The following PRH1 variants were observed in gnomAD, a reference collection of about 807,000 sequenced individuals.
PRH1 encodes the protein proline rich protein HaeIII subfamily 1, also known as salivary acidic proline-rich phosphoprotein 1/2.
Under a neutral mutation model 7.9 loss-of-function variants are expected in PRH1, and 7 were observed. The ratio of observed to expected loss-of-function variants is 0.89; its 90% confidence interval spans 0.50 to 1.67. The LOEUF (loss-of-function observed/expected upper bound fraction) is 1.67, where lower values mean the gene tolerates loss of function less well. PRH1 is among the 40% of genes most tolerant of loss of function. The probability of loss-of-function intolerance (pLI) is 0.00; values close to 1 mark genes in which losing one functional copy is unlikely to be tolerated. For synonymous variants in PRH1, 45 were observed against 80.8 expected, an observed-to-expected ratio of 0.56 and a Z score of 2.38; for missense variants, 109 against 223.6, an observed-to-expected ratio of 0.49 and a Z score of 3.27.
chr12:10,891,611 C>T (rs934019001), intron 2 of PRH1: 1 of 152,088 alleles, frequency 6.6e-6, no homozygotes, highest in Non-Finnish European at 1.5e-5. Context: ...GTGTTCCATC[C>T]TCGTTGCCAA....
At chr12:11,065,051 C>G in intron 1 of PRH1, among the ~76,000 whole-genome samples, 1 of 151,874 alleles carries the variant, frequency 6.6e-6, no homozygotes, top group East Asian at 1.9e-4. Context: ...TAGAATAATA[C>G]TGATAATAAT....
rs369059664 is a variant in PRH1, at chr12:10,884,143, A to G, written c.64+11T>C. ...ATCAGAGTCACAATATCTTCCCCCA[A>G]TTCATCTTACCTTCATTTAAATCCT... On this transcript the variant is annotated intron_variant, in intron 1 of 3. Coordinates refer to ENST00000543626, the MANE Select transcript of PRH1 (RefSeq NM_001393989.1). The G allele has an allele frequency of 8.7e-6, 14 of 1,614,040 alleles. No homozygotes were observed. The East Asian group carries it at 2.5e-4, about 28-fold the overall frequency.
chr12:10,929,205 T>C, intron 2 of PRH1: 1 of 1,609,078 alleles, frequency 6.2e-7, no homozygotes, highest in South Asian at 1.1e-5. Flanking sequence ...GTCCTGCTTG[T>C]CTTTATAAAG....
chr12:10,934,714 C>T (rs1238624123), intron 2 of PRH1, among the ~76,000 whole-genome samples: 4 of 151,948 alleles, frequency 2.6e-5, no homozygotes, highest in African/African-American at 7.3e-5. Flanking sequence ...GATTATTTTG[C>T]CCCAGACAGC....
chr12:11,101,731 T>A (rs1333819626), intron 1 of PRH1, among the ~76,000 whole-genome samples: 1 of 152,144 alleles, frequency 6.6e-6, no homozygotes, highest in African/African-American at 2.4e-5. Flanking sequence ...AATTATAAGG[T>A]TAAAATTGAT....
intron 2 of PRH1, among the ~76,000 whole-genome samples, chr12:10,904,507 C>T (rs1412786928): frequency 6.6e-6 from 1 of 152,102 alleles, no homozygotes; most frequent in Non-Finnish European, 1.5e-5. Context: ...CTTTACCTTT[C>T]ACCATATACA....
intron 2 of PRH1, among the ~76,000 whole-genome samples, chr12:10,917,773 A>G (rs1179398908): frequency 6.6e-6 from 1 of 152,220 alleles, no homozygotes; most frequent in East Asian, 1.9e-4. Context: ...CAAAACCAGC[A>G]GTACTGAGTC....
At chr12:10,891,545 A>G (rs1424326634) in intron 2 of PRH1, 2 of 152,228 alleles carry the variant, frequency 1.3e-5, no homozygotes, top group Non-Finnish European at 2.9e-5. Flanking sequence ...AGCAAATCCT[A>G]TTAATCAGCT....
chr12:10,991,775 A>C (rs1939948927), intron 1 of PRH1, among the ~76,000 whole-genome samples: 1 of 152,184 alleles, frequency 6.6e-6, no homozygotes, highest in South Asian at 2.1e-4. Context: ...AAGAACTAGC[A>C]AAGGAGACTA....
At chr12:11,050,122 C>T (rs1943085057), upstream of PRH1, among the ~76,000 whole-genome samples, 1 of 151,940 alleles carries the variant, frequency 6.6e-6, no homozygotes, top group Non-Finnish European at 1.5e-5. Context: ...CCTGTGGCGC[C>T]AGAGGAATTA....
At chr12:11,138,869 T>A (rs1259499995) in intron 1 of PRH1, among the ~76,000 whole-genome samples, 1 of 152,044 alleles carries the variant, frequency 6.6e-6, no homozygotes, top group Non-Finnish European at 1.5e-5. Context: ...CAAAATCCCA[T>A]CTCTACCAAA....
intron 1 of PRH1, among the ~76,000 whole-genome samples, chr12:11,081,547 A>G (rs190975621): frequency 8.6e-6 from 1 of 116,602 alleles, no homozygotes; most frequent in Admixed American, 8.6e-5. Context: ...TCAATTTGAA[A>G]GAAACTAGAA....
intron 1 of PRH1, among the ~76,000 whole-genome samples, chr12:11,086,446 T>A (rs1338944316): frequency 6.8e-6 from 1 of 147,890 alleles, no homozygotes; most frequent in Admixed American, 6.8e-5. Flanking sequence ...GATGTTAAAA[T>A]CAGTCTCCAA....
chr12:10,908,758 A>C (rs368652295), intron 2 of PRH1: 9 of 1,613,988 alleles, frequency 5.6e-6, no homozygotes, highest in Non-Finnish European at 6.8e-6. Context: ...GTCATAGTGA[A>C]TTTGACCGAC....
At chr12:10,884,097 A>T in intron 1 of PRH1, 57 bp downstream of exon 1, 2 of 1,606,280 alleles carry the variant, frequency 1.2e-6, no homozygotes. Context: ...CCTCCTCTAT[A>T]GCATTTGCCT....
chr12:10,975,411 G>A (rs1939042220), intron 1 of PRH1, among the ~76,000 whole-genome samples: 1 of 152,112 alleles, frequency 6.6e-6, no homozygotes, highest in Non-Finnish European at 1.5e-5. Context: ...CCTCACAAGG[G>A]GTCCTGAAGG....
chr12:10,882,824 C>T lies in PRH1; in HGVS notation c.101-126G>A, dbSNP rs542080522. Reference sequence around the variant, plus strand: ...CCTGCCTCTCAACTCCCAACCTCCCCCCTTCCCAAGGCTTCCTAATTAGAA... The same window carrying T: ...CCTGCCTCTCAACTCCCAACCTCCCTCCTTCCCAAGGCTTCCTAATTAGAA... On this transcript the variant is annotated intron_variant, in intron 2 of 3. Coordinates refer to ENST00000543626, the MANE Select transcript of PRH1 (RefSeq NM_001393989.1). The T allele has an allele frequency of 2.7e-6, 4 of 1,493,206 alleles. No individual in the cohort carries two copies. The Admixed American group carries it at 6.8e-5, about 25-fold the overall frequency. 92.5% of individuals were successfully genotyped at this position (1,493,206 alleles called of 1,614,324 possible).
chr12:11,056,905 T>C (rs767590107), intron 1 of PRH1, among the ~76,000 whole-genome samples: 2 of 152,292 alleles, frequency 1.3e-5, no homozygotes, highest in African/African-American at 2.4e-5. Flanking sequence ...GTATAACTGC[T>C]TTCCATTTTA....
rs1591921093 is a variant in PRH1 at position 11,060,764 on chromosome 12, T to C, written n.124-13576A>G. ...TGCTTGTCACTCAAATTTTATTGTG[T>C]GCATTGTTTTCTATCAATAATTCTG... On this transcript the variant is annotated intron_variant and non_coding_transcript_variant, in intron 1 of 4. Transcript: ENST00000541977. Among the ~76,000 whole-genome samples, 4 of 151,356 alleles carry C rather than the reference T, an allele frequency of 2.6e-5. No individual in the cohort carries two copies. The South Asian group carries it at 8.3e-4, about 31-fold the overall frequency.
Sources: allele counts gnomAD v4.1 joint callset (sites outside exome capture counted in the v4.1 genomes callset), GRCh38; gene constraint gnomAD v4.1.1; transcripts MANE v1.5; gene names NCBI Gene and HGNC (gene_info 2026-07-23, HGNC 2026-07-21).